The following SEMA6B variants were observed in gnomAD, a reference collection of about 807,000 sequenced individuals.
SEMA6B encodes the protein semaphorin-6B.
Under a neutral mutation model 78.6 loss-of-function variants are expected in SEMA6B, and 47 were observed. The observed-to-expected ratio is 0.60, with a 90% CI of 0.47 to 0.76. SEMA6B has a LOEUF of 0.76. SEMA6B is among the 30% of genes least tolerant of loss of function. SEMA6B has a pLI of 0.00. For missense variants in SEMA6B, 1,213 were observed against 1,269.9 expected (o/e 0.96, Z 0.68); for synonymous variants, 632 against 592.2 (o/e 1.07, Z -0.98).
intron 12 of SEMA6B, 125 bp from the exon 13 acceptor site, chr19:4,548,570 A>G: frequency 1.2e-6 from 1 of 840,224 alleles, no homozygotes; most frequent in Admixed American, 2.4e-5. Context: ...ACAGCAATAA[A>G]TGCGTGTGTG....
chr19:4,549,299 CTTTTTT>C (rs55771429), intron 12 of SEMA6B, among the ~76,000 whole-genome samples: 6,358 of 98,550 alleles, frequency 0.065, 355 homozygotes, highest in African/African-American at 0.2. Flanking sequence ...CTGTCTACCT[CTTTTTT>C]TTTTTTTTTT....
chr19:4,550,300 C>G lies in SEMA6B; in HGVS notation c.1122-28G>C. ...GGGGGTGACAAGGGTGTGGTCAGGA[C>G]GAACGTAAAGGTTCTCATAAAGGGG... On this transcript the variant is annotated intron_variant, in intron 11 of 16. Coordinates refer to ENST00000586582, the MANE Select transcript of SEMA6B (RefSeq NM_032108.4). This position sits in a 1 kb window ranked among gnomAD's most constrained non-coding sequence, Gnocchi z 6.6. 6.2e-7 allele frequency: 1 copy of G among 1,612,434 alleles called. No individual in the cohort carries two copies. Among genetic ancestry groups the G allele is most frequent in the Non-Finnish European group, 8.5e-7 (1 of 1,179,218 alleles).
At position 4,555,200 on chromosome 19, in the gene SEMA6B, G is replaced by A; in HGVS notation, c.563-105C>T. 1.6e-6 allele frequency: 2 copies of A among 1,261,888 alleles called. No individual in the cohort carries two copies. Among genetic ancestry groups the A allele is most frequent in the Non-Finnish European group, 2.2e-6 (2 of 898,946 alleles). The allele number at this position is 1,261,888 out of a possible 1,614,324, so 78.2% of individuals were successfully genotyped here. The stretch of plus-strand genomic sequence containing the variant: ...CTGAGACTGAGTCCTGAGCCTAGGG[G>A]AGCCCCTGTCTCCAGGCTGAGCCCT... On this transcript the variant is annotated intron_variant, in intron 7 of 16. Transcript: ENST00000586582. This position sits in a 1 kb window ranked among gnomAD's most constrained non-coding sequence, Gnocchi z 6.1.
chr19:4,554,340 C>A, intron 9 of SEMA6B, 48 bp downstream of exon 9: 1 of 1,448,238 alleles, frequency 6.9e-7, no homozygotes, highest in Non-Finnish European at 9.7e-7. Flanking sequence ...CCCCTCACTT[C>A]GCATGATCAG....
rs142127164 is a variant in SEMA6B at position 4,551,086 on chromosome 19, A to T, written c.990-156T>A. ...CCTCCCGCATCTGTCGAATGCAGCC[A>T]CTCCTCCTGAATAACATCTCAGATT... On this transcript the variant is annotated intron_variant, in intron 10 of 16. Coordinates refer to ENST00000586582, the MANE Select transcript of SEMA6B (RefSeq NM_032108.4). Among the ~76,000 whole-genome samples, 27 of 151,142 alleles carry T rather than the reference A, an allele frequency of 1.8e-4. No individual in the cohort carries two copies. The East Asian group carries it at 5.1e-3, about 29-fold the overall frequency.
At position 4,543,123 on chromosome 19, in the gene SEMA6B, GGCACGCACACGCAC is replaced by G; in HGVS notation, c.*464_*477del. 1 of 621,448 alleles carries G rather than the reference GGCACGCACACGCAC, an allele frequency of 1.6e-6. No individual in the cohort carries two copies. The highest frequency in any genetic ancestry group is 2.9e-6 in the Non-Finnish European group (1 of 344,872). The allele number at this position is 621,448 out of a possible 1,614,324, so 38.5% of individuals were successfully genotyped here. The stretch of plus-strand genomic sequence containing the variant: ...TCCCCGGCCCCTTGCACACGAACAC[GGCACGCACACGCAC>G]GCACACCCACACACGCCAGGGGCCT... On this transcript the variant is annotated 3_prime_UTR_variant, in exon 17 of 17. Transcript: ENST00000586582.
chr19:4,555,374 T>C lies in SEMA6B; in HGVS notation c.562+100A>G, dbSNP rs1006595106. On this transcript the variant is annotated intron_variant, in intron 7 of 16. Transcript: ENST00000586582. The surrounding 1 kb of genome is among the most constrained non-coding windows in gnomAD (Gnocchi z 6.1). ...CCCATGTCACAGCTGGGACAAGTGG[T>C]CGTCCAGCTGCCTTCTAAACAACCC... is the stretch of plus-strand genomic sequence containing the variant. 9.4e-6 allele frequency: 10 copies of C among 1,062,350 alleles called. No individual in the cohort carries two copies. The highest frequency in any genetic ancestry group is 3.2e-5 in the African/African-American group (2 of 62,794). 65.8% of individuals were successfully genotyped at this position (1,062,350 alleles called of 1,614,324 possible).
rs1599781627 is a variant in SEMA6B at position 4,555,102 on chromosome 19, G to A, written c.563-7C>T. The A allele has an allele frequency of 1.2e-6, 2 of 1,613,408 alleles. No homozygotes were observed. The highest frequency in any genetic ancestry group is 2.2e-5 in the East Asian group (1 of 44,884). Reference sequence around the variant, plus strand: ...GCTGTGAAGAGCATCCCGTCTGGATGGGGTGGGTGGGGAAGGCAGGCAAGA... The same window carrying A: ...GCTGTGAAGAGCATCCCGTCTGGATAGGGTGGGTGGGGAAGGCAGGCAAGA... On this transcript the variant is annotated splice_polypyrimidine_tract_variant and splice_region_variant and intron_variant, in intron 7 of 16. Transcript: ENST00000586582. This position sits in a 1 kb window ranked among gnomAD's most constrained non-coding sequence, Gnocchi z 6.1.
rs1343689218 is a variant in SEMA6B, at chr19:4,550,168, A to G, written c.1226T>C (p.Val409Ala). The change falls in exon 12 of 17, where the codon GTG becomes GCG. Residue 409 changes from valine to alanine, a missense_variant. Val to Ala is a moderately conservative substitution (Grantham distance 64, BLOSUM62 0). Transcript: ENST00000586582. The surrounding 1 kb of genome is among the most constrained non-coding windows in gnomAD (Gnocchi z 6.6). ...CCAGGGCGCATGGCCCAGCGAGGGCACCGCCTCGTCCATCAGAGGGTGGGT... is the reference window on the plus strand; with the variant it reads ...CCAGGGCGCATGGCCCAGCGAGGGCGCCGCCTCGTCCATCAGAGGGTGGGT... ...VKTHPLMDEAVPSLGHAPWIL... is the reference protein window; with the variant it reads ...VKTHPLMDEAAPSLGHAPWIL... 1 of 1,613,108 alleles carries G rather than the reference A, an allele frequency of 6.2e-7. No individual in the cohort carries two copies. The highest frequency in any genetic ancestry group is 1.1e-5 in the South Asian group (1 of 91,028).
Position 4,555,149 on chromosome 19 carries a change from G to A in SEMA6B, c.563-54C>T, listed in dbSNP as rs1977434066. 3 of 1,599,548 alleles carry A rather than the reference G, an allele frequency of 1.9e-6. No individual in the cohort carries two copies. The highest frequency in any genetic ancestry group is 1.7e-4 in the Middle Eastern group (1 of 5,968). ...AAGAGATGAGACCGCAGAGGCCAGGGGCTGGGTGGGTCGAAACTCGATTTT... is the reference window on the plus strand; with the variant it reads ...AAGAGATGAGACCGCAGAGGCCAGGAGCTGGGTGGGTCGAAACTCGATTTT... On this transcript the variant is annotated intron_variant, in intron 7 of 16. Transcript: ENST00000586582. This position sits in a 1 kb window ranked among gnomAD's most constrained non-coding sequence, Gnocchi z 6.1.
In SEMA6B at chr19:4,555,875, G is replaced by A; in HGVS notation, c.471+113C>T. 2.3e-6 allele frequency: 2 copies of A among 869,150 alleles called. No individual in the cohort carries two copies. Among genetic ancestry groups the A allele is most frequent in the South Asian group, 2.8e-5 (2 of 71,630 alleles). 53.8% of individuals were successfully genotyped at this position (869,150 alleles called of 1,614,324 possible). A position where few individuals can be genotyped will look rare whatever the true frequency, so the allele number is the denominator to read the frequency against. On this transcript the variant is annotated intron_variant, in intron 6 of 16. Transcript: ENST00000586582. This position sits in a 1 kb window ranked among gnomAD's most constrained non-coding sequence, Gnocchi z 6.1. Reference sequence around the variant, plus strand: ...GGAGGAGGCAGGGAGAGTATATCCAGGAAGGCTTCCTGGAGGAGGTGACAC... The same window carrying A: ...GGAGGAGGCAGGGAGAGTATATCCAAGAAGGCTTCCTGGAGGAGGTGACAC...
intron 14 of SEMA6B, 36 bp from the exon 15 acceptor site, chr19:4,546,505 C>A: frequency 6.8e-7 from 1 of 1,480,222 alleles, no homozygotes; most frequent in Non-Finnish European, 9.1e-7. Flanking sequence ...GACAAGTGTC[C>A]AAGTCACTTA....
At chr19:4,548,198 C>A in intron 13 of SEMA6B, 25 bp from the exon 14 acceptor site, 1 of 1,588,696 alleles carries the variant, frequency 6.3e-7, no homozygotes, top group Non-Finnish European at 8.6e-7. Flanking sequence ...AGTGGTGAGG[C>A]TGAGCGCATC....
intron 10 of SEMA6B, among the ~76,000 whole-genome samples, chr19:4,551,204 C>T (rs868263314): frequency 6.6e-6 from 1 of 151,444 alleles, no homozygotes; most frequent in Non-Finnish European, 1.5e-5. Flanking sequence ...ACTGTTAGAG[C>T]CCACTCCCCA....
intron 16 of SEMA6B, chr19:4,545,937 A>G (rs1977152617): frequency 4.4e-6 from 1 of 226,908 alleles, no homozygotes; most frequent in South Asian, 8.9e-5. Flanking sequence ...ACGCCCGGCT[A>G]ATTTTTTGTA....
chr19:4,554,447 C>A lies in SEMA6B; in HGVS notation c.712G>T (p.Gly238Cys). The A allele has an allele frequency of 6.2e-7, 1 of 1,613,970 alleles. No individual in the cohort carries two copies. Among genetic ancestry groups the A allele is most frequent in the Non-Finnish European group, 8.5e-7 (1 of 1,180,004 alleles). The change falls in exon 9 of 17, where the codon GGC becomes TGC. Residue 238 changes from glycine (G) to cysteine (C), a missense_variant. By Grantham distance (159) the Gly-to-Cys change is radical. Coordinates refer to ENST00000586582, the MANE Select transcript of SEMA6B (RefSeq NM_032108.4). ...EPYFVHAVEWGSHVYFFFREI... is the reference protein window; with the variant it reads ...EPYFVHAVEWCSHVYFFFREI... ...CGGAAGAAGAAGTAGACATGGCTGC[C>A]CCACTCCACCGCATGGACAAAGTAA...
At chr19:4,556,837 G>A in intron 5 of SEMA6B, 114 bp downstream of exon 5, 3 of 856,476 alleles carry the variant, frequency 3.5e-6, no homozygotes, top group Non-Finnish European at 5.1e-6. Context: ...TTGGGGGTGG[G>A]TTGGGGCGTG....
chr19:4,552,424 G>A lies in SEMA6B; in HGVS notation c.987C>T (p.Asn329=), dbSNP rs1476181146. 1 of 1,576,508 alleles carries A rather than the reference G, an allele frequency of 6.3e-7. No individual in the cohort carries two copies. Residue 329 remains asparagine (N), a splice_region_variant and synonymous_variant, in exon 10 of 17, where the codon AAC becomes AAT. Coordinates refer to ENST00000586582, the MANE Select transcript of SEMA6B (RefSeq NM_032108.4). This position sits in a 1 kb window ranked among gnomAD's most constrained non-coding sequence, Gnocchi z 7.4. ...VVLAVFSTPS[N]SIPGSAVCAF... ...TGCTCCCATTGGTGGGCGCTGACCT[G>A]TTGCTGGGCGTGGAAAAAACGGCCA...
At position 4,550,787 on chromosome 19, in the gene SEMA6B, G is replaced by A. The variant is rs200904773; in HGVS notation, c.1121+12C>T. On this transcript the variant is annotated intron_variant, in intron 11 of 16. Coordinates refer to ENST00000586582, the MANE Select transcript of SEMA6B (RefSeq NM_032108.4). The surrounding 1 kb of genome is among the most constrained non-coding windows in gnomAD (Gnocchi z 6.6). ...ATCCGGGCATGTGACTCAGGATGGA[G>A]GGGGTTCTCACCGGGGTCGAGGCAC... 1 of 1,613,066 alleles carries A rather than the reference G, an allele frequency of 6.2e-7. No homozygotes were observed. Among genetic ancestry groups the A allele is most frequent in the East Asian group, 2.2e-5 (1 of 44,876 alleles).
Sources: allele counts gnomAD v4.1 joint callset (sites outside exome capture counted in the v4.1 genomes callset), GRCh38; gene constraint gnomAD v4.1.1; non-coding constraint Gnocchi (gnomAD v3.1); transcripts MANE v1.5; gene names NCBI Gene and HGNC (gene_info 2026-07-23, HGNC 2026-07-21).